Variants in ZNF143 observed in about 807,000 individuals in gnomAD.
ZNF143 encodes the protein SPH-binding factor.
A neutral mutation model predicts 74.1 loss-of-function variants in ZNF143; 49 were observed. That is an observed-to-expected ratio of 0.66 (90% CI 0.53 to 0.84). The LOEUF (loss-of-function observed/expected upper bound fraction) is 0.84. Ranked by LOEUF, ZNF143 falls within the 40% of genes least tolerant of loss-of-function variation. ZNF143 has a pLI of 0.00. For missense variants in ZNF143, 637 were observed against 793.4 expected (o/e 0.80, Z 2.37); for synonymous variants, 304 against 282.8 (o/e 1.07, Z -0.75).
intron 7 of ZNF143, among the ~76,000 whole-genome samples, chr11:9,486,414 T>TTATATATATA (rs1847522006): frequency 1.2e-4 from 3 of 24,040 alleles, no homozygotes; most frequent in African/African-American, 5.0e-4. Context: ...ATATATATAA[T>TTATATATATA]ATATATTATA....
chr11:9,503,099 G>T (rs1007621888), intron 11 of ZNF143, among the ~76,000 whole-genome samples: 3 of 152,100 alleles, frequency 2.0e-5, no homozygotes, highest in African/African-American at 7.2e-5. Flanking sequence ...CCAAAGTGCT[G>T]GGATTACAGA....
intron 1 of ZNF143, among the ~76,000 whole-genome samples, chr11:9,464,086 T>G (rs11042371): frequency 0.18 from 22,920 of 124,112 alleles, 2,312 homozygotes; most frequent in Middle Eastern, 0.28. Flanking sequence ...GTGTGTGTGT[T>G]TGTGTGTGTG....
At chr11:9,483,288 CTTT>C (rs58704619) in intron 7 of ZNF143, among the ~76,000 whole-genome samples, 14 of 50,198 alleles carry the variant, frequency 2.8e-4, no homozygotes, top group African/African-American at 8.0e-4. Flanking sequence ...GCCAACATGC[CTTT>C]TTTTTTTTTT....
intron 14 of ZNF143, among the ~76,000 whole-genome samples, chr11:9,520,798 A>T (rs1848897272): frequency 6.6e-6 from 1 of 152,222 alleles, no homozygotes; most frequent in South Asian, 2.1e-4. Context: ...AAAAAATAAA[A>T]AATAAAAAAG....
chr11:9,501,421 A>T (rs1199125213), intron 11 of ZNF143, 151 bp downstream of exon 11: 1 of 836,728 alleles, frequency 1.2e-6, no homozygotes, highest in Non-Finnish European at 1.8e-6. Flanking sequence ...GTTTCACCTT[A>T]ACAGTCATAC....
Position 9,473,957 on chromosome 11 carries a change from T to C in ZNF143, c.222T>C (p.Asp74=), listed in dbSNP as rs746503142. The C allele has an allele frequency of 1.2e-6, 2 of 1,614,084 alleles. No homozygotes were observed. Among genetic ancestry groups the C allele is most frequent in the Admixed American group, 1.7e-5 (1 of 60,006 alleles). ...TTGTTATAGATGCAAAACTCATAGA[T>C]GGCCAGGTCATTCAGTTGGAAGATG... ...QHNSKDAKLI[D]GQVIQLEDGS... The change falls in exon 4 of 16, where the codon GAT becomes GAC. Residue 74 remains aspartate, a synonymous_variant. Transcript: ENST00000396602.
At chr11:9,487,977 G>C (rs753467326) in intron 7 of ZNF143, among the ~76,000 whole-genome samples, 1 of 152,080 alleles carries the variant, frequency 6.6e-6, no homozygotes, top group Admixed American at 6.6e-5. Context: ...CATTATCCTA[G>C]GTTTGTTTTT....
At chr11:9,510,215 C>G (rs1377750978) in intron 12 of ZNF143, among the ~76,000 whole-genome samples, 3 of 151,648 alleles carry the variant, frequency 2.0e-5, no homozygotes, top group Admixed American at 6.6e-5. Context: ...AGCTTCGCCT[C>G]CCGGGTTCAT....
chr11:9,510,922 C>T (rs1848517751), intron 12 of ZNF143, among the ~76,000 whole-genome samples: 2 of 151,954 alleles, frequency 1.3e-5, no homozygotes, highest in Admixed American at 6.6e-5. Context: ...ATTAACCATA[C>T]CTCAGATAAT....
At chr11:9,491,213 C>T (rs895837055) in intron 7 of ZNF143, among the ~76,000 whole-genome samples, 12 of 152,052 alleles carry the variant, frequency 7.9e-5, no homozygotes, top group African/African-American at 2.9e-4. Context: ...AGCAAGACTC[C>T]AGTCTCTTAA....
intron 7 of ZNF143, among the ~76,000 whole-genome samples, chr11:9,483,118 C>T (rs1268584956): frequency 6.7e-6 from 1 of 150,260 alleles, no homozygotes; most frequent in Non-Finnish European, 1.5e-5. Flanking sequence ...CTCAGCCTCC[C>T]GAATAGCTGG....
rs764329454 is a variant in ZNF143, at chr11:9,516,192, G to A, written c.1525-9G>A. 6.2e-7 allele frequency: 1 copy of A among 1,613,318 alleles called. No homozygotes were observed. The highest frequency in any genetic ancestry group is 8.5e-7 in the Non-Finnish European group (1 of 1,179,550). On this transcript the variant is annotated splice_polypyrimidine_tract_variant and intron_variant, in intron 13 of 15. Coordinates refer to ENST00000396602, the MANE Select transcript of ZNF143 (RefSeq NM_003442.6). ...CATTGACTGCTTTGTAAAATTCACT[G>A]TATTGCAGGTCAACATATCTCAAGC...
chr11:9,461,443 G>T (rs368267252), intron 1 of ZNF143, among the ~76,000 whole-genome samples: 1 of 152,120 alleles, frequency 6.6e-6, no homozygotes, highest in African/African-American at 2.4e-5. Flanking sequence ...CCTGACCTCC[G>T]CGCAGAGCGA....
rs146410346 is a variant in ZNF143 at position 9,489,413 on chromosome 11, C to A, written c.646-5233C>A. On this transcript the variant is annotated intron_variant, in intron 7 of 15. Transcript: ENST00000396602. ...AATTTTCTGACCCTTATTTTACTACCCTAAGTTCTTAAAGTCTCCACTATA... is the reference window on the plus strand; with the variant it reads ...AATTTTCTGACCCTTATTTTACTACACTAAGTTCTTAAAGTCTCCACTATA... Among the ~76,000 whole-genome samples the A allele has an allele frequency of 1.8e-3, 273 of 152,166 alleles. 2 individuals carry two copies. The highest frequency in any genetic ancestry group is 6.4e-3 in the African/African-American group (265 of 41,496).
chr11:9,501,372 C>G, intron 11 of ZNF143, 102 bp downstream of exon 11: 1 of 1,349,924 alleles, frequency 7.4e-7, no homozygotes, highest in East Asian at 2.3e-5. Context: ...TCCTTTCTAT[C>G]ACTTGGCATG....
At position 9,478,413 on chromosome 11, in the gene ZNF143, C is replaced by T; in HGVS notation, c.397C>T (p.Gln133Ter). Residue 133 changes from glutamine to a stop codon, truncating the protein, a stop_gained, in exon 6 of 16, where the codon CAG (glutamine) becomes TAG (stop). Coordinates refer to ENST00000396602, the MANE Select transcript of ZNF143 (RefSeq NM_003442.6). LOFTEE classifies it high-confidence loss of function. ...AGATAGTTATGACCAGAGTGCATTA[C>T]AGGCGGTTCAGCTGGAAGATGGTAC... is the stretch of plus-strand genomic sequence containing the variant. ...SKDSYDQSAL[Q>*]AVQLEDGTTA... 1.2e-6 allele frequency: 2 copies of T among 1,614,082 alleles called. No individual in the cohort carries two copies. Among genetic ancestry groups the T allele is most frequent in the South Asian group, 1.1e-5 (1 of 91,086 alleles).
At chr11:9,461,815 TTTG>T (rs1289793653) in intron 1 of ZNF143, 10 of 152,300 alleles carry the variant, frequency 6.6e-5, no homozygotes, top group African/African-American at 2.4e-4. Flanking sequence ...GCTTTGGACA[TTTG>T]TTTTTTCCAC....
At chr11:9,510,403 C>T (rs143488925) in intron 12 of ZNF143, among the ~76,000 whole-genome samples, 14 of 152,028 alleles carry the variant, frequency 9.2e-5, no homozygotes, top group African/African-American at 2.9e-4. Flanking sequence ...GGATTACAGG[C>T]GTGAGCCACC....
intron 2 of ZNF143, 112 bp downstream of exon 2, chr11:9,471,532 C>A: frequency 2.9e-6 from 2 of 678,374 alleles, no homozygotes; most frequent in Non-Finnish European, 4.5e-6. Flanking sequence ...AAACCTAGGT[C>A]TTTTTATGAG....
Sources: gnomAD v4.1 joint callset for allele counts (sites outside exome capture counted in the v4.1 genomes callset) on GRCh38, gnomAD v4.1.1 for gene constraint, MANE v1.5 for transcripts, NCBI Gene and HGNC (gene_info 2026-07-23, HGNC 2026-07-21) for gene names.